Variants in PTPN14 observed in about 807,000 individuals in gnomAD.
The protein encoded by PTPN14 is tyrosine-protein phosphatase non-receptor type 14.
In PTPN14, 53 loss-of-function variants were observed where a neutral mutation model predicts 126.8. That is an observed-to-expected ratio of 0.42 (90% confidence interval 0.34 to 0.53). The LOEUF (loss-of-function observed/expected upper bound fraction) is 0.53, where lower values mean the gene tolerates loss of function less well. PTPN14 is among the 20% of genes least tolerant of loss of function. The pLI is 0.08. For synonymous variants in PTPN14, 630 were observed against 599.3 expected (o/e 1.05, Z -0.75); for missense variants, 1,257 against 1,552.9 (o/e 0.81, Z 3.20).
At chr1:214,442,403 A>G (rs1258376483) in intron 3 of PTPN14, among the ~76,000 whole-genome samples, 1 of 152,154 alleles carries the variant, frequency 6.6e-6, no homozygotes, top group Admixed American at 6.6e-5. Flanking sequence ...TGCTCAACCT[A>G]TTTTTTTGGT....
At chr1:214,390,639 G>A (rs528850968) in intron 11 of PTPN14, among the ~76,000 whole-genome samples, 3 of 152,118 alleles carry the variant, frequency 2.0e-5, no homozygotes, top group Non-Finnish European at 4.4e-5. Flanking sequence ...AGGAATTTGT[G>A]GAGCTCGTAA....
intron 3 of PTPN14, among the ~76,000 whole-genome samples, chr1:214,434,837 GGATGCCAT>G (rs1659877052): frequency 6.6e-6 from 1 of 152,164 alleles, no homozygotes; most frequent in Non-Finnish European, 1.5e-5. Flanking sequence ...ATGTGGCACA[GGATGCCAT>G]TCCAAAAGCA....
chr1:214,471,915 T>C (rs1281799250), intron 1 of PTPN14, among the ~76,000 whole-genome samples: 1 of 152,204 alleles, frequency 6.6e-6, no homozygotes, highest in Non-Finnish European at 1.5e-5. Context: ...GGGAAATTGA[T>C]ATGACATTCC....
chr1:214,519,561 A>T (rs1430880811), intron 1 of PTPN14, among the ~76,000 whole-genome samples: 1 of 152,228 alleles, frequency 6.6e-6, no homozygotes, highest in Non-Finnish European at 1.5e-5. Flanking sequence ...TTTGTATAGC[A>T]GGCTAACACT....
At chr1:214,488,398 T>A (rs1661161796) in intron 1 of PTPN14, among the ~76,000 whole-genome samples, 1 of 152,070 alleles carries the variant, frequency 6.6e-6, no homozygotes, top group African/African-American at 2.4e-5. Flanking sequence ...CCACCTACCA[T>A]AAAACACTTT....
rs1340752423 is a variant in PTPN14 at position 214,352,897 on chromosome 1, G to A, written c.*5025C>T. On this transcript the variant is annotated 3_prime_UTR_variant, in exon 19 of 19. Transcript: ENST00000366956. Reference sequence around the variant, plus strand: ...AGCAGAATAATTGTTGGTAAAACATGGGAATGCTCAATTCCCTAAAAGGGC... The same window carrying A: ...AGCAGAATAATTGTTGGTAAAACATAGGAATGCTCAATTCCCTAAAAGGGC... The A allele has an allele frequency of 6.6e-6, 1 of 152,166 alleles. No homozygotes were observed. The highest frequency in any genetic ancestry group is 1.5e-5 in the Non-Finnish European group (1 of 68,034). 9.4% of individuals were successfully genotyped at this position (152,166 alleles called of 1,614,324 possible).
chr1:214,359,283 T>C (rs998768535), intron 18 of PTPN14, among the ~76,000 whole-genome samples: 13 of 149,366 alleles, frequency 8.7e-5, no homozygotes, highest in Admixed American at 2.0e-4. Context: ...GCTCAATCTC[T>C]GCTCACTATA....
At chr1:214,450,086 T>C (rs1001108169) in intron 3 of PTPN14, among the ~76,000 whole-genome samples, 2 of 151,556 alleles carry the variant, frequency 1.3e-5, no homozygotes, top group African/African-American at 2.4e-5. Flanking sequence ...TGAACTATGA[T>C]TGTGCCACTG....
chr1:214,430,013 C>T (rs1026531918), intron 3 of PTPN14, among the ~76,000 whole-genome samples: 8 of 152,180 alleles, frequency 5.3e-5, no homozygotes, highest in Non-Finnish European at 8.8e-5. Context: ...ATCCTGTGAA[C>T]GTGTGACCCA....
rs1182547580 is a variant in PTPN14, at chr1:214,378,049, C to A, written c.2598G>T (p.Met866Ile). Reference sequence around the variant, plus strand: ...CCGAGAGCCCATTCAATGCTGCCAACATCAGCGGCCTCTTCTGTGCCTCCA... The same window carrying A: ...CCGAGAGCCCATTCAATGCTGCCAAAATCAGCGGCCTCTTCTGTGCCTCCA... ...AGLEAQKRPLMLAALNGLSVA... is the reference protein window; with the variant it reads ...AGLEAQKRPLILAALNGLSVA... Residue 866 changes from methionine to isoleucine, a missense_variant, in exon 14 of 19, where the codon ATG becomes ATT. This residue lies in a region of PTPN14 where 1,021 missense variants were observed against 1,183.3 expected (regional missense o/e 0.86). Coordinates refer to ENST00000366956, the MANE Select transcript of PTPN14 (RefSeq NM_005401.5). The A allele has an allele frequency of 6.2e-7, 1 of 1,612,788 alleles. No individual in the cohort carries two copies. The highest frequency in any genetic ancestry group is 2.2e-5 in the East Asian group (1 of 44,874).
chr1:214,447,708 C>G (rs912360120), intron 3 of PTPN14, among the ~76,000 whole-genome samples: 6 of 152,182 alleles, frequency 3.9e-5, no homozygotes, highest in Non-Finnish European at 7.3e-5. Context: ...TACACACATA[C>G]TCACGCACAG....
At chr1:214,435,506 A>C (rs1316301027) in intron 3 of PTPN14, among the ~76,000 whole-genome samples, 1 of 152,194 alleles carries the variant, frequency 6.6e-6, no homozygotes, top group East Asian at 1.9e-4. Context: ...TTAAAAAAAA[A>C]AGTATTCAGT....
At chr1:214,373,315 A>G (rs1658263244) in intron 15 of PTPN14, among the ~76,000 whole-genome samples, 1 of 152,056 alleles carries the variant, frequency 6.6e-6, no homozygotes. Flanking sequence ...CAGCCTCCCA[A>G]AGTGCTGGGA....
chr1:214,386,397 G>A (rs1222625029), intron 12 of PTPN14, among the ~76,000 whole-genome samples: 1 of 152,194 alleles, frequency 6.6e-6, no homozygotes, highest in Non-Finnish European at 1.5e-5. Flanking sequence ...GAAAGGGGCT[G>A]GAGAAAGAGA....
At chr1:214,537,663 A>T (rs773995860) in intron 1 of PTPN14, among the ~76,000 whole-genome samples, 18 of 152,248 alleles carry the variant, frequency 1.2e-4, no homozygotes, top group Non-Finnish European at 1.8e-4. Flanking sequence ...CTAAGGTGTC[A>T]TCAGGCTTAC....
chr1:214,445,038 T>C (rs1285660085), intron 3 of PTPN14, among the ~76,000 whole-genome samples: 1 of 152,224 alleles, frequency 6.6e-6, no homozygotes, highest in Non-Finnish European at 1.5e-5. Flanking sequence ...GAACTATCTT[T>C]AACATTTAAG....
chr1:214,436,659 C>T (rs377488792), intron 3 of PTPN14, among the ~76,000 whole-genome samples: 54 of 151,788 alleles, frequency 3.6e-4, no homozygotes, highest in African/African-American at 1.1e-3. Flanking sequence ...TGGTGGTGGG[C>T]GCCTGTAATC....
intron 1 of PTPN14, among the ~76,000 whole-genome samples, chr1:214,500,796 C>CCTGA (rs1036819913): frequency 6.6e-6 from 1 of 152,076 alleles, no homozygotes; most frequent in Non-Finnish European, 1.5e-5. Context: ...AAATGACTGC[C>CCTGA]CTGACTACCC....
intron 7 of PTPN14, among the ~76,000 whole-genome samples, chr1:214,398,907 T>G (rs920296728): frequency 2.6e-5 from 4 of 152,182 alleles, no homozygotes; most frequent in African/African-American, 9.6e-5. Context: ...TGGCTGGGAC[T>G]ACAGGTGCAT....
Sources: allele counts gnomAD v4.1 joint callset (sites outside exome capture counted in the v4.1 genomes callset), GRCh38; gene constraint gnomAD v4.1.1; regional missense constraint gnomAD v4.1.1; transcripts MANE v1.5; gene names NCBI Gene and HGNC (gene_info 2026-07-23, HGNC 2026-07-21).